The following GARNL3 variants were observed in gnomAD, a reference collection of about 807,000 sequenced individuals.
The protein encoded by GARNL3 is GTPase activating Rap/RanGAP domain like 3, also known as GTPase-activating Rap/Ran-GAP domain-like protein 3.
A neutral mutation model predicts 125.0 loss-of-function variants in GARNL3; 63 were observed. The observed-to-expected ratio is 0.50, with a 90% CI of 0.41 to 0.62. The LOEUF is 0.62. Among genes scored for constraint, GARNL3 ranks in the 20% least tolerant of loss-of-function variants. The pLI is 0.00. For synonymous variants in GARNL3, 439 were observed against 457.5 expected, an observed-to-expected ratio of 0.96 and a Z score of 0.52; for missense variants, 994 against 1,244.0, an observed-to-expected ratio of 0.80 and a Z score of 3.02.
intron 8 of GARNL3, 110 bp downstream of exon 8, chr9:127,332,459 A>G: frequency 2.5e-6 from 2 of 811,500 alleles, no homozygotes; most frequent in Non-Finnish European, 4.1e-6. Context: ...TAATACGAGG[A>G]GATAGTTTTA....
chr9:127,253,754 G>A (rs1032112353), intron 2 of GARNL3, among the ~76,000 whole-genome samples: 3 of 151,984 alleles, frequency 2.0e-5, no homozygotes, highest in Non-Finnish European at 4.4e-5. Context: ...GAAGGGTGTA[G>A]GTGTAGGACC....
intron 1 of GARNL3, among the ~76,000 whole-genome samples, chr9:127,275,255 C>T (rs180708544): frequency 2.0e-5 from 3 of 152,314 alleles, no homozygotes; most frequent in Admixed American, 1.3e-4. Context: ...GAAAACCACT[C>T]TTTTACCTCT....
At position 127,385,270 on chromosome 9, in the gene GARNL3, C is replaced by T. The variant is rs975621156; in HGVS notation, c.2388+125C>T. The T allele has an allele frequency of 9.8e-5, 54 of 551,898 alleles. No individual in the cohort carries two copies. The highest frequency in any genetic ancestry group is 1.6e-4 in the Non-Finnish European group (49 of 307,880). The allele number at this position is 551,898 out of a possible 1,614,324, so 34.2% of individuals were successfully genotyped here. ...ATGAAGACCGGTGTCAGAATGCCAG[C>T]ACGAGATGGAAAGCCTGAAACCAGA... On this transcript the variant is annotated intron_variant, in intron 24 of 27. Coordinates refer to ENST00000373387, the MANE Select transcript of GARNL3 (RefSeq NM_032293.5). This position sits in a 1 kb window ranked among gnomAD's most constrained non-coding sequence, Gnocchi z 4.1.
chr9:127,322,563 CTGTG>C (rs993556274), intron 6 of GARNL3, among the ~76,000 whole-genome samples: 8 of 152,138 alleles, frequency 5.3e-5, no homozygotes, highest in Admixed American at 2.0e-4. Context: ...CCCTTGTCCT[CTGTG>C]TGTGTGAGTG....
At chr9:127,234,908 T>C (rs2063083569) in intron 1 of GARNL3, among the ~76,000 whole-genome samples, 1 of 152,170 alleles carries the variant, frequency 6.6e-6, no homozygotes, top group Non-Finnish European at 1.5e-5. Context: ...CATCTCTTAA[T>C]ACTACCACGT....
chr9:127,279,628 T>G (rs1250045342), intron 1 of GARNL3, among the ~76,000 whole-genome samples: 1 of 152,212 alleles, frequency 6.6e-6, no homozygotes, highest in African/African-American at 2.4e-5. Flanking sequence ...ATGTCTTCTG[T>G]CTCCCTGAGG....
chr9:127,320,371 T>A (rs1050249686), intron 5 of GARNL3, among the ~76,000 whole-genome samples: 1 of 152,244 alleles, frequency 6.6e-6, no homozygotes, highest in African/African-American at 2.4e-5. Flanking sequence ...AAAGTCTTGT[T>A]AAGGATGGTC....
chr9:127,271,500 A>C (rs73599261), intron 1 of GARNL3, among the ~76,000 whole-genome samples: 1 of 150,346 alleles, frequency 6.7e-6, no homozygotes, highest in Non-Finnish European at 1.5e-5. Flanking sequence ...CTGGCAGTGC[A>C]TTTCATCAAA....
chr9:127,274,495 T>A (rs541690934), intron 1 of GARNL3, among the ~76,000 whole-genome samples: 40 of 152,178 alleles, frequency 2.6e-4, no homozygotes, highest in Non-Finnish European at 4.7e-4. Context: ...TTCTGAGTCC[T>A]GGCTTCCTCA....
At chr9:127,314,034 C>T (rs926464606) in intron 4 of GARNL3, among the ~76,000 whole-genome samples, 1 of 152,280 alleles carries the variant, frequency 6.6e-6, no homozygotes, top group East Asian at 1.9e-4. Context: ...CTCGTGACCA[C>T]GGAAGTATAG....
rs779206802 is a variant in GARNL3 at position 127,384,985 on chromosome 9, C to G, written c.2270-42C>G. On this transcript the variant is annotated intron_variant, in intron 23 of 27. Coordinates refer to ENST00000373387, the MANE Select transcript of GARNL3 (RefSeq NM_032293.5). This position sits in a 1 kb window ranked among gnomAD's most constrained non-coding sequence, Gnocchi z 4.0. ...CACAGTCACAGCCCCTTCGCGGCCACCAAGCCAGCAGCTGGGAGGTGACAC... is the reference window on the plus strand; with the variant it reads ...CACAGTCACAGCCCCTTCGCGGCCAGCAAGCCAGCAGCTGGGAGGTGACAC... 5 of 1,335,096 alleles carry G rather than the reference C, an allele frequency of 3.7e-6. No individual in the cohort carries two copies. In the Admixed American group the frequency reaches 9.1e-5, roughly 24 times the overall value. The allele number at this position is 1,335,096 out of a possible 1,614,324, so 82.7% of individuals were successfully genotyped here. A position where few individuals can be genotyped will look rare whatever the true frequency, so the allele number is the denominator to read the frequency against.
intron 19 of GARNL3, among the ~76,000 whole-genome samples, chr9:127,354,911 G>A (rs1460940499): frequency 6.6e-6 from 1 of 152,148 alleles, no homozygotes; most frequent in Non-Finnish European, 1.5e-5. Flanking sequence ...TCCTGCCTCA[G>A]CCTCCTAAGT....
intron 1 of GARNL3, among the ~76,000 whole-genome samples, chr9:127,275,149 A>C (rs531244621): frequency 1.8e-4 from 28 of 152,272 alleles, no homozygotes; most frequent in South Asian, 8.3e-4. Flanking sequence ...TGTTTTCTCA[A>C]AGTTGCTTTT....
intron 22 of GARNL3, among the ~76,000 whole-genome samples, chr9:127,381,291 A>C (rs1832242255): frequency 6.6e-6 from 1 of 152,258 alleles, no homozygotes; most frequent in Admixed American, 6.5e-5. Context: ...AACAGTAAAC[A>C]TACTAATACA....
At chr9:127,387,795 TTCTTAA>T (rs1832625623) in intron 25 of GARNL3, among the ~76,000 whole-genome samples, 1 of 150,396 alleles carries the variant, frequency 6.6e-6, no homozygotes, top group South Asian at 2.1e-4. Context: ...CATGGTTGTG[TTCTTAA>T]GAAACCTGGT....
chr9:127,334,146 TG>T (rs1247963062), intron 9 of GARNL3, among the ~76,000 whole-genome samples: 5 of 152,152 alleles, frequency 3.3e-5, no homozygotes, highest in Non-Finnish European at 7.4e-5. Flanking sequence ...GCGGTGAGAT[TG>T]GAAACACCTG....
chr9:127,347,515 A>T (rs1830205605), intron 16 of GARNL3, among the ~76,000 whole-genome samples: 1 of 152,156 alleles, frequency 6.6e-6, no homozygotes, highest in Non-Finnish European at 1.5e-5. Flanking sequence ...ACCTCTGTGG[A>T]TCCTGTAGGG....
At chr9:127,347,817 T>G (rs1295017224) in intron 16 of GARNL3, among the ~76,000 whole-genome samples, 1 of 152,234 alleles carries the variant, frequency 6.6e-6, no homozygotes, top group East Asian at 1.9e-4. Flanking sequence ...GTCACATTCT[T>G]TAGGGGATCT....
chr9:127,387,111 G>A, intron 24 of GARNL3, 82 bp from the exon 25 acceptor site: 2 of 1,441,768 alleles, frequency 1.4e-6, no homozygotes, highest in South Asian at 1.3e-5. Flanking sequence ...CAGTTGGAGG[G>A]TTTGCAGTGA....
Sources: allele counts gnomAD v4.1 joint callset (sites outside exome capture counted in the v4.1 genomes callset), GRCh38; gene constraint gnomAD v4.1.1; non-coding constraint Gnocchi (gnomAD v3.1); transcripts MANE v1.5; gene names NCBI Gene and HGNC (gene_info 2026-07-23, HGNC 2026-07-21).